Variants in RO60 observed in about 807,000 individuals in gnomAD.
RO60 encodes RNA-binding protein RO60.
A neutral mutation model predicts 55.3 loss-of-function variants in RO60; 20 were observed. The observed-to-expected ratio is 0.36, with a 90% CI of 0.25 to 0.53. RO60 has a LOEUF of 0.53. Among genes scored for constraint, RO60 ranks in the 20% least tolerant of loss-of-function variants. The probability of loss-of-function intolerance (pLI) is 0.92; values close to 1 mark genes in which losing one functional copy is unlikely to be tolerated. For missense variants in RO60, 558 were observed against 646.6 expected, an observed-to-expected ratio of 0.86 and a Z score of 1.49; for synonymous variants, 213 against 213.6, an observed-to-expected ratio of 1.00 and a Z score of 0.02.
At chr1:193,071,879 ATATG>A (rs1673541195) in intron 2 of RO60, among the ~76,000 whole-genome samples, 1 of 149,550 alleles carries the variant, frequency 6.7e-6, no homozygotes, top group Non-Finnish European at 1.5e-5. Flanking sequence ...TATATAATAT[ATATG>A]TATGTGTGTG....
chr1:193,076,946 T>A lies in RO60; in HGVS notation c.982T>A (p.Leu328Ile), dbSNP rs1368015510. Residue 328 changes from leucine (L) to isoleucine (I), a missense_variant, in exon 5 of 9, where the codon TTA (leucine) becomes ATA (isoleucine). Transcript: ENST00000400968. The part of the protein sequence containing the change: ...RIHPFHILIA[L>I]ETYKTGHGLR... ...ACATCCATTTCATATTTTGATCGCA[T>A]TAGAAACTTACAAGACAGGTCATGG... 7 of 1,612,566 alleles carry A rather than the reference T, an allele frequency of 4.3e-6. No individual in the cohort carries two copies. Among genetic ancestry groups the A allele is most frequent in the Non-Finnish European group, 5.9e-6 (7 of 1,179,200 alleles).
rs535427509 is a variant in RO60 at position 193,078,955 on chromosome 1, C to G, written c.1086+1905C>G. ...AAAAGAACAAACCTGGAGGACTCTT[C>G]AGTAACTCTTTCAGTTACTACAAAG... On this transcript the variant is annotated intron_variant, in intron 5 of 8. Transcript: ENST00000400968. 5.9e-5 allele frequency among the ~76,000 whole-genome samples: 9 copies of G among 152,130 alleles called. 1 individual carries two copies. In the South Asian group the frequency reaches 1.9e-3, roughly 32 times the overall value.
rs1673306249 is a variant in RO60 at position 193,069,076 on chromosome 1, A to G, written c.22A>G (p.Met8Val). The part of the protein sequence containing the change: MEESVNQ[M>V]QPLNEKQIAN... ...AAAAATGGAGGAATCTGTAAACCAA[A>G]TGCAGCCACTGAATGAGAAGCAGAT... Residue 8 changes from methionine to valine, a missense_variant, in exon 2 of 9, where the codon ATG (methionine) becomes GTG (valine). By Grantham distance (21) the Met-to-Val change is conservative. Coordinates refer to ENST00000400968, the MANE Select transcript of RO60 (RefSeq NM_001173524.2). 3 of 1,611,160 alleles carry G rather than the reference A, an allele frequency of 1.9e-6. No individual in the cohort carries two copies. Among genetic ancestry groups the G allele is most frequent in the Non-Finnish European group, 2.5e-6 (3 of 1,178,038 alleles).
intron 6 of RO60, among the ~76,000 whole-genome samples, chr1:193,081,819 G>A (rs1057141090): frequency 4.0e-5 from 6 of 151,874 alleles, no homozygotes; most frequent in East Asian, 1.9e-4. Context: ...ATTATTTAAC[G>A]ATTTGAAGCT....
At chr1:193,060,231 A>T (rs1169063132) in intron 1 of RO60, 1 of 663,092 alleles carries the variant, frequency 1.5e-6, no homozygotes. Flanking sequence ...AGGTTTGTCC[A>T]TGGGGCTGCT....
intron 7 of RO60, 92 bp from the exon 8 acceptor site, chr1:193,082,470 G>A (rs1674379678): frequency 5.5e-6 from 8 of 1,447,646 alleles, no homozygotes; most frequent in African/African-American, 1.4e-5. Flanking sequence ...TGGGAAGGCT[G>A]TATATATTGG....
intron 2 of RO60, among the ~76,000 whole-genome samples, chr1:193,073,514 A>G (rs2103045491): frequency 6.6e-6 from 1 of 152,242 alleles, no homozygotes; most frequent in East Asian, 1.9e-4. Context: ...ACCACTTGTC[A>G]GGGCACACTC....
chr1:193,091,572 G>GAATATATT, downstream of RO60: 2 of 1,166,080 alleles, frequency 1.7e-6, no homozygotes, highest in Non-Finnish European at 2.5e-6. Flanking sequence ...GAGAATGAAT[G>GAATATATT]AATATATTAA....
At chr1:193,068,923 A>T in intron 1 of RO60, 111 bp from the exon 2 acceptor site, 1 of 700,260 alleles carries the variant, frequency 1.4e-6, no homozygotes, top group Non-Finnish European at 2.3e-6. Flanking sequence ...AACTTAAAAG[A>T]TGTTTTTAAA....
At position 193,059,942 on chromosome 1, in the gene RO60, T is replaced by G. The variant is rs768392116; in HGVS notation, c.-22+166T>G. ...GTCCCGCTTCCGCGCCTGTCCACCC[T>G]GGGTAACGGAACCAGCATCGCGGTA... On this transcript the variant is annotated intron_variant, in intron 1 of 8. Transcript: ENST00000400968. The surrounding 1 kb of genome is among the most constrained non-coding windows in gnomAD (Gnocchi z 4.9). 7 of 1,366,366 alleles carry G rather than the reference T, an allele frequency of 5.1e-6. No homozygotes were observed. The East Asian group carries it at 2.7e-4, about 53-fold the overall frequency. 84.6% of individuals were successfully genotyped at this position (1,366,366 alleles called of 1,614,324 possible).
chr1:193,059,910 C>T lies in RO60; in HGVS notation c.-22+134C>T, dbSNP rs774116140. 2.9e-6 allele frequency: 4 copies of T among 1,365,946 alleles called. No homozygotes were observed. The highest frequency in any genetic ancestry group is 1.1e-5 in the South Asian group (1 of 87,878). The allele number at this position is 1,365,946 out of a possible 1,614,324, so 84.6% of individuals were successfully genotyped here. A position where few individuals can be genotyped will look rare whatever the true frequency, so the allele number is the denominator to read the frequency against. On this transcript the variant is annotated intron_variant, in intron 1 of 8. Transcript: ENST00000400968. The surrounding 1 kb of genome is among the most constrained non-coding windows in gnomAD (Gnocchi z 4.9). Reference sequence around the variant, plus strand: ...GGGCAAACGCCGCGAAACTATCGCTCTTCCCCGTCCCGCTTCCGCGCCTGT... The same window carrying T: ...GGGCAAACGCCGCGAAACTATCGCTTTTCCCCGTCCCGCTTCCGCGCCTGT...
chr1:193,072,118 C>T (rs1171517619), intron 2 of RO60, among the ~76,000 whole-genome samples: 2 of 152,126 alleles, frequency 1.3e-5, no homozygotes, highest in Non-Finnish European at 2.9e-5. Flanking sequence ...ATTCTCCTGC[C>T]TCAGCCTCCC....
In RO60 at chr1:193,065,193, G is replaced by T. The variant is rs74652937; in HGVS notation, c.-21-3841G>T. On this transcript the variant is annotated intron_variant, in intron 1 of 8. Coordinates refer to ENST00000400968, the MANE Select transcript of RO60 (RefSeq NM_001173524.2). ...CAGAAAGTCAACTTTAATGATATTTGGCTTTAAGTATGTATTGCTAATTAC... is the reference window on the plus strand; with the variant it reads ...CAGAAAGTCAACTTTAATGATATTTTGCTTTAAGTATGTATTGCTAATTAC... 9.5e-4 allele frequency among the ~76,000 whole-genome samples: 145 copies of T among 152,222 alleles called. 1 individual carries two copies. The East Asian group carries it at 0.02, about 21-fold the overall frequency.
intron 1 of RO60, among the ~76,000 whole-genome samples, chr1:193,065,004 A>T (rs1307002599): frequency 2.7e-4 from 41 of 152,096 alleles, no homozygotes; most frequent in Admixed American, 2.7e-3. Flanking sequence ...TTTTTTCTTG[A>T]TTATATTTTT....
At chr1:193,060,764 A>G (rs1471752326) in intron 1 of RO60, among the ~76,000 whole-genome samples, 1 of 152,212 alleles carries the variant, frequency 6.6e-6, no homozygotes, top group African/African-American at 2.4e-5. Flanking sequence ...CTTGAAGTTT[A>G]TCTCCGGAAA....
intron 1 of RO60, chr1:193,060,126 G>A (rs1672422426): frequency 8.3e-7 from 1 of 1,199,076 alleles, no homozygotes; most frequent in Non-Finnish European, 1.1e-6. Flanking sequence ...GCTTCTGCGC[G>A]GAGAGGCGTC....
chr1:193,081,194 C>A (rs1674288266), intron 5 of RO60, among the ~76,000 whole-genome samples, 170 bp from the exon 6 acceptor site: 1 of 151,778 alleles, frequency 6.6e-6, no homozygotes, highest in Non-Finnish European at 1.5e-5. Flanking sequence ...AATTTTCAGT[C>A]ATAGCTGCTA....
At chr1:193,065,858 T>A (rs1346346137) in intron 1 of RO60, among the ~76,000 whole-genome samples, 2 of 152,170 alleles carry the variant, frequency 1.3e-5, no homozygotes, top group African/African-American at 4.8e-5. Context: ...TTATTTGGAA[T>A]ATTGACACTA....
In RO60 at chr1:193,088,471, G is replaced by C. The variant is rs750673166; in HGVS notation, c.*3740G>C. 6.6e-6 allele frequency: 1 copy of C among 151,792 alleles called. No homozygotes were observed. Among genetic ancestry groups the C allele is most frequent in the Admixed American group, 6.6e-5 (1 of 15,222 alleles). The allele number at this position is 151,792 out of a possible 1,614,324, so 9.4% of individuals were successfully genotyped here. A position where few individuals can be genotyped will look rare whatever the true frequency, so the allele number is the denominator to read the frequency against. On this transcript the variant is annotated 3_prime_UTR_variant, in exon 9 of 9. Transcript: ENST00000400968. The stretch of plus-strand genomic sequence containing the variant: ...GTAGGATTCTTGAATAAATCTGAAG[G>C]TCTCACAATTAAGTGAGAAACACCT...
Sources: gnomAD v4.1 joint callset for allele counts (sites outside exome capture counted in the v4.1 genomes callset) on GRCh38, gnomAD v4.1.1 for gene constraint, Gnocchi (gnomAD v3.1) non-coding constraint, MANE v1.5 for transcripts, NCBI Gene and HGNC (gene_info 2026-07-23, HGNC 2026-07-21) for gene names.